FHL2: variants seen among roughly 807,000 people sequenced by gnomAD.
FHL2 encodes four and a half LIM domains protein 2.
Under a neutral mutation model 32.7 loss-of-function variants are expected in FHL2, and 20 were observed. The ratio of observed to expected loss-of-function variants is 0.61; its 90% CI spans 0.43 to 0.89. The LOEUF is 0.89. FHL2 is among the 40% of genes least tolerant of loss of function. The pLI is 0.00. For synonymous variants in FHL2, 123 were observed against 128.1 expected (o/e 0.96, Z 0.27); for missense variants, 311 against 358.6 (o/e 0.87, Z 1.07).
Position 105,438,407 on chromosome 2 carries a change from T to G in FHL2, c.-33A>C, listed in dbSNP as rs1024984180. 18 of 985,440 alleles carry G rather than the reference T, an allele frequency of 1.8e-5. No homozygotes were observed. The African/African-American group carries it at 3.1e-4, about 17-fold the overall frequency. The allele number at this position is 985,440 out of a possible 1,614,324, so 61.0% of individuals were successfully genotyped here. A position where few individuals can be genotyped will look rare whatever the true frequency, so the allele number is the denominator to read the frequency against. On this transcript the variant is annotated 5_prime_UTR_variant, in exon 1 of 6. Transcript: ENST00000393352. ...GAACCAGTGGCCCTTACCTGTGGTT[T>G]TAGGGTTCTGTCTTCTGTCCTCCAG...
At chr2:105,391,354 G>C (rs1402982588) in intron 2 of FHL2, among the ~76,000 whole-genome samples, 1 of 152,162 alleles carries the variant, frequency 6.6e-6, no homozygotes, top group Non-Finnish European at 1.5e-5. Context: ...AGGTATGATG[G>C]GCACGCAGAG....
chr2:105,364,806 CTG>C (rs1298043730), intron 5 of FHL2, among the ~76,000 whole-genome samples: 1 of 152,150 alleles, frequency 6.6e-6, no homozygotes, highest in African/African-American at 2.4e-5. Flanking sequence ...GATGAGTAAA[CTG>C]AGACTCAGAG....
chr2:105,357,856 G>A (rs1680079463), downstream of FHL2: 1 of 152,070 alleles, frequency 6.6e-6, no homozygotes, highest in Admixed American at 6.5e-5. Flanking sequence ...ACACATTTAT[G>A]TGTTCAGCCA....
downstream of FHL2, chr2:105,358,097 G>A (rs1002801049): frequency 6.6e-6 from 1 of 152,188 alleles, no homozygotes; most frequent in Admixed American, 6.6e-5. Context: ...TAAACTTCTG[G>A]CTGGTCTGTC....
intron 1 of FHL2, among the ~76,000 whole-genome samples, chr2:105,421,716 T>A (rs1282733058): frequency 6.6e-6 from 1 of 152,202 alleles, no homozygotes; most frequent in Admixed American, 6.5e-5. Context: ...AGTTATACTA[T>A]GGCTTGCATT....
At chr2:105,383,345 A>C (rs1477395286) in intron 3 of FHL2, among the ~76,000 whole-genome samples, 4 of 152,246 alleles carry the variant, frequency 2.6e-5, no homozygotes, top group African/African-American at 7.2e-5. Flanking sequence ...AAATTGTATT[A>C]GCATTGTCTA....
In FHL2 at chr2:105,361,112, G is replaced by C; in HGVS notation, c.*171C>G. The C allele has an allele frequency of 1.7e-6, 1 of 605,082 alleles. No individual in the cohort carries two copies. The allele number at this position is 605,082 out of a possible 1,614,324, so 37.5% of individuals were successfully genotyped here. ...GCGAGTTTTCTCTTTCCCTGGGACT[G>C]AACTATCACAAAGCACTAAAGGGTT... is the stretch of plus-strand genomic sequence containing the variant. On this transcript the variant is annotated 3_prime_UTR_variant, in exon 7 of 7. Transcript: ENST00000530340.
intron 1 of FHL2, among the ~76,000 whole-genome samples, chr2:105,417,200 G>A (rs1256373379): frequency 6.6e-6 from 1 of 151,496 alleles, no homozygotes; most frequent in African/African-American, 2.4e-5. Context: ...TGGCTAACAC[G>A]GTGAAACCCC....
intron 1 of FHL2, 170 bp from the exon 2 acceptor site, chr2:105,396,867 A>G (rs1683164405): frequency 1.1e-5 from 7 of 622,936 alleles, no homozygotes; most frequent in Non-Finnish European, 1.9e-5. Flanking sequence ...AGCTCAAGGA[A>G]CTTTGTACCT....
At chr2:105,380,454 C>G (rs1681808271) in intron 3 of FHL2, among the ~76,000 whole-genome samples, 1 of 152,206 alleles carries the variant, frequency 6.6e-6, no homozygotes, top group African/African-American at 2.4e-5. Flanking sequence ...GTCTCAAACT[C>G]TTGGCCTTAA....
intron 3 of FHL2, among the ~76,000 whole-genome samples, chr2:105,383,649 A>T (rs992500442): frequency 6.6e-6 from 1 of 152,192 alleles, no homozygotes; most frequent in Non-Finnish European, 1.5e-5. Flanking sequence ...TTAAGAGAAG[A>T]GATTGGCCAC....
intron 1 of FHL2, among the ~76,000 whole-genome samples, chr2:105,428,563 C>G (rs769118277): frequency 2.0e-5 from 3 of 152,244 alleles, no homozygotes; most frequent in Non-Finnish European, 2.9e-5. Context: ...ACTACCCTCT[C>G]CTGCGGACAG....
chr2:105,399,311 G>A (rs1026304491), upstream of FHL2: 4 of 1,535,718 alleles, frequency 2.6e-6, no homozygotes, highest in African/African-American at 4.1e-5. Context: ...GTGGGCTCTC[G>A]GGCGCGAGTT....
At chr2:105,365,479 A>T (rs565137170) in intron 5 of FHL2, among the ~76,000 whole-genome samples, 1 of 152,354 alleles carries the variant, frequency 6.6e-6, no homozygotes, top group East Asian at 1.9e-4. Context: ...GAAAGATGAC[A>T]GAGGAAGAGC....
At chr2:105,360,113 T>G (rs935245691), downstream of FHL2, 2 of 151,966 alleles carry the variant, frequency 1.3e-5, no homozygotes, top group Non-Finnish European at 2.9e-5. Flanking sequence ...AAGACCAGCC[T>G]AACATGGTGA....
intron 2 of FHL2, among the ~76,000 whole-genome samples, chr2:105,389,283 C>T (rs1296162296): frequency 6.6e-6 from 1 of 152,198 alleles, no homozygotes. Context: ...ATCCTTTGTA[C>T]CGCAGCCATC....
chr2:105,387,958 A>G (rs1343452290), intron 2 of FHL2, among the ~76,000 whole-genome samples: 3 of 152,222 alleles, frequency 2.0e-5, no homozygotes, highest in African/African-American at 7.2e-5. Context: ...TTTTGCAGGA[A>G]CACGGATGGA....
intron 4 of FHL2, 67 bp downstream of exon 4, chr2:105,373,492 G>T: frequency 6.4e-7 from 1 of 1,558,824 alleles, no homozygotes; most frequent in East Asian, 2.2e-5. Context: ...TGAACAGGGG[G>T]TCAGAGGAAC....
intron 1 of FHL2, among the ~76,000 whole-genome samples, chr2:105,417,992 C>T (rs998281337): frequency 6.6e-6 from 1 of 152,102 alleles, no homozygotes; most frequent in Non-Finnish European, 1.5e-5. Context: ...AAAAAAATAG[C>T]TTTAACCACA....
Sources: gnomAD v4.1 joint callset for allele counts (sites outside exome capture counted in the v4.1 genomes callset) on GRCh38, gnomAD v4.1.1 for gene constraint, MANE v1.5 for transcripts, NCBI Gene and HGNC (gene_info 2026-07-23, HGNC 2026-07-21) for gene names.